MAML2: variants seen among roughly 807,000 people sequenced by gnomAD.
The protein encoded by MAML2 is mastermind like transcriptional coactivator 2.
MAML2 carries 22 observed loss-of-function variants against 96.1 expected under a neutral mutation model. That is an observed-to-expected ratio of 0.23 (90% confidence interval 0.16 to 0.33). The LOEUF (loss-of-function observed/expected upper bound fraction) is 0.33. Ranked by LOEUF, MAML2 falls within the 10% of genes least tolerant of loss-of-function variation. The probability of loss-of-function intolerance (pLI) is 1.00; values close to 1 mark genes in which losing one functional copy is unlikely to be tolerated. For missense variants in MAML2, 1,367 were observed against 1,392.4 expected (o/e 0.98, Z 0.29); for synonymous variants, 561 against 521.3 (o/e 1.08, Z -1.04).
chr11:96,198,108 G>C (rs1465704748), intron 1 of MAML2, among the ~76,000 whole-genome samples: 1 of 152,214 alleles, frequency 6.6e-6, no homozygotes, highest in African/African-American at 2.4e-5. Flanking sequence ...CATTTAAAAA[G>C]ATCACCAATG....
chr11:96,284,386 T>C (rs2135987816), intron 1 of MAML2, among the ~76,000 whole-genome samples: 1 of 152,370 alleles, frequency 6.6e-6, no homozygotes, highest in African/African-American at 2.4e-5. Flanking sequence ...ATCAAACTTA[T>C]CACCATCTTC....
At chr11:96,143,210 G>A (rs2135868404) in intron 1 of MAML2, among the ~76,000 whole-genome samples, 1 of 152,266 alleles carries the variant, frequency 6.6e-6, no homozygotes, top group Non-Finnish European at 1.5e-5. Flanking sequence ...TTGCCAATAA[G>A]CCTTTATTTG....
In MAML2 at chr11:96,018,178, T is replaced by A. The variant is rs546165128; in HGVS notation, c.2140-26455A>T. On this transcript the variant is annotated intron_variant, in intron 2 of 4. Transcript: ENST00000524717. ...GTATAGGGAAGTATAGAGTTATCAT[T>A]TTCTGAGATGGGAAAGACTGTGAAA... Among the ~76,000 whole-genome samples, 8 of 152,176 alleles carry A rather than the reference T, an allele frequency of 5.3e-5. No individual in the cohort carries two copies. In the East Asian group the frequency reaches 1.5e-3, roughly 29 times the overall value.
At chr11:96,228,674 G>A (rs575979288) in intron 1 of MAML2, among the ~76,000 whole-genome samples, 6 of 152,270 alleles carry the variant, frequency 3.9e-5, no homozygotes, top group Non-Finnish European at 7.4e-5. Context: ...TTGCTCAGTC[G>A]GCCAGACCAG....
intron 1 of MAML2, among the ~76,000 whole-genome samples, chr11:96,331,308 A>T (rs1177708552): frequency 6.6e-6 from 1 of 152,158 alleles, no homozygotes; most frequent in Non-Finnish European, 1.5e-5. Context: ...CACAGGCTCT[A>T]AACTCCATGC....
chr11:96,249,467 T>C (rs1037145408), intron 1 of MAML2, among the ~76,000 whole-genome samples: 5 of 152,120 alleles, frequency 3.3e-5, no homozygotes, highest in Non-Finnish European at 7.4e-5. Flanking sequence ...AATAGGCATG[T>C]CAAACTAAAA....
chr11:96,300,804 G>T (rs1350546070), intron 1 of MAML2, among the ~76,000 whole-genome samples: 12 of 152,178 alleles, frequency 7.9e-5, no homozygotes, highest in Admixed American at 7.9e-4. Flanking sequence ...CGGAGCTGAG[G>T]ATAACCAGGT....
chr11:96,255,359 T>G (rs984093842), intron 1 of MAML2, among the ~76,000 whole-genome samples: 1 of 152,214 alleles, frequency 6.6e-6, no homozygotes, highest in African/African-American at 2.4e-5. Flanking sequence ...GTAACAACCT[T>G]TTCAGGTGTT....
intron 1 of MAML2, among the ~76,000 whole-genome samples, chr11:96,136,011 C>T (rs1860625651): frequency 6.6e-6 from 1 of 152,128 alleles, no homozygotes; most frequent in Admixed American, 6.5e-5. Flanking sequence ...TAAGTGAAAA[C>T]CAGCATGGCA....
chr11:96,198,974 G>A (rs1164338216), intron 1 of MAML2, among the ~76,000 whole-genome samples: 1 of 151,444 alleles, frequency 6.6e-6, no homozygotes, highest in Non-Finnish European at 1.5e-5. Context: ...GAGGCAGGCG[G>A]ATCACAAGGT....
chr11:96,305,092 C>A (rs1047177893), intron 1 of MAML2, among the ~76,000 whole-genome samples: 1 of 152,072 alleles, frequency 6.6e-6, no homozygotes, highest in Non-Finnish European at 1.5e-5. Flanking sequence ...CACTTTAATC[C>A]ATTTTTCAGT....
chr11:96,196,034 G>A (rs1861725664), intron 1 of MAML2, among the ~76,000 whole-genome samples: 1 of 152,136 alleles, frequency 6.6e-6, no homozygotes, highest in Non-Finnish European at 1.5e-5. Context: ...ATTTTAAAAT[G>A]TATCATTTCC....
At chr11:96,163,562 C>T (rs945462347) in intron 1 of MAML2, among the ~76,000 whole-genome samples, 1 of 152,170 alleles carries the variant, frequency 6.6e-6, no homozygotes, top group African/African-American at 2.4e-5. Context: ...AGGATTAGAA[C>T]CCAAGTCTCC....
intron 2 of MAML2, among the ~76,000 whole-genome samples, chr11:96,081,526 T>C (rs953353284): frequency 7.9e-5 from 12 of 152,124 alleles, no homozygotes; most frequent in Non-Finnish European, 4.4e-5. Context: ...AAAAAAAAAC[T>C]TCTGTATTCC....
chr11:96,194,607 C>T (rs1032791003), intron 1 of MAML2, among the ~76,000 whole-genome samples: 1 of 152,162 alleles, frequency 6.6e-6, no homozygotes, highest in African/African-American at 2.4e-5. Flanking sequence ...AATCTACAAG[C>T]AAAATAACCA....
intron 1 of MAML2, among the ~76,000 whole-genome samples, chr11:96,221,353 G>A (rs919139843): frequency 3.9e-5 from 6 of 152,056 alleles, no homozygotes; most frequent in Non-Finnish European, 8.8e-5. Context: ...CAGAGATAGC[G>A]CTGGGCCTTT....
rs1179088549 is a variant in MAML2 at position 96,081,546 on chromosome 11, C to A, written c.2139+10346G>T. ...AAAACTTCTGTATTCCCACATTCTT[C>A]CTTTTGACCTTAGTTGCTTGGAAAC... On this transcript the variant is annotated intron_variant, in intron 2 of 4. Transcript: ENST00000524717. Among the ~76,000 whole-genome samples, 3 of 152,112 alleles carry A rather than the reference C, an allele frequency of 2.0e-5. No individual in the cohort carries two copies. The East Asian group carries it at 5.8e-4, about 29-fold the overall frequency.
chr11:96,240,443 G>A (rs1409081322), intron 1 of MAML2, among the ~76,000 whole-genome samples: 2 of 151,086 alleles, frequency 1.3e-5, no homozygotes, highest in African/African-American at 4.8e-5. Flanking sequence ...CCAGCTACTC[G>A]GGAGGCTGAG....
intron 1 of MAML2, among the ~76,000 whole-genome samples, chr11:96,249,883 T>C (rs1255665179): frequency 1.3e-5 from 2 of 152,176 alleles, no homozygotes; most frequent in Non-Finnish European, 2.9e-5. Flanking sequence ...GCTGCCTGTC[T>C]TACTTAGAAT....
Sources: gnomAD v4.1 joint callset for allele counts (sites outside exome capture counted in the v4.1 genomes callset) on GRCh38, gnomAD v4.1.1 for gene constraint, MANE v1.5 for transcripts, NCBI Gene and HGNC (gene_info 2026-07-23, HGNC 2026-07-21) for gene names.